The following EIPR1 variants were observed in gnomAD, a reference collection of about 807,000 sequenced individuals.
The protein encoded by EIPR1 is EARP and GARP complex-interacting protein 1.
A neutral mutation model predicts 48.1 loss-of-function variants in EIPR1; 25 were observed. The ratio of observed to expected loss-of-function variants is 0.52; its 90% CI spans 0.38 to 0.73. The LOEUF is 0.73. EIPR1 is among the 30% of genes least tolerant of loss of function. The pLI, the probability that EIPR1 is intolerant of heterozygous loss-of-function variation, is 0.00. For synonymous variants in EIPR1, 204 were observed against 201.9 expected (o/e 1.01, Z -0.09); for missense variants, 415 against 506.2 (o/e 0.82, Z 1.73).
rs771300509 is a variant in EIPR1, at chr2:3,377,659, G to A, written c.31C>T (p.Leu11=). 4 of 1,579,176 alleles carry A rather than the reference G, an allele frequency of 2.5e-6. No homozygotes were observed. The highest frequency in any genetic ancestry group is 3.4e-6 in the Non-Finnish European group (4 of 1,162,052). Residue 11 remains leucine, a synonymous_variant, in exon 1 of 9, where the codon CTG becomes TTG. Transcript: ENST00000382125. ...TCCCAGTGACCCACCTGGAACTCCA[G>A]CCCGTAGATCACTGGTGCATCGTCC... MEDDAPVIYG[L]EFQARALTPQ...
intron 4 of EIPR1, among the ~76,000 whole-genome samples, chr2:3,246,986 G>C: frequency 9.8e-3 from 1 of 102 alleles, no homozygotes; most frequent in Admixed American, 0.1. Context: ...GGGAGGGAGG[G>C]AGGGAGAGAG....
Position 3,276,032 on chromosome 2 carries a change from A to G in EIPR1, c.260-18577T>C, listed in dbSNP as rs926855189. 5.3e-5 allele frequency among the ~76,000 whole-genome samples: 8 copies of G among 152,348 alleles called. No individual in the cohort carries two copies. The East Asian group carries it at 1.5e-3, about 29-fold the overall frequency. On this transcript the variant is annotated intron_variant, in intron 3 of 8. Transcript: ENST00000382125. ...ATGTACCAATAACCTTAAGCAAATA[A>G]GTATTTTAAAAATTTACAAAACAGT...
intron 1 of EIPR1, among the ~76,000 whole-genome samples, chr2:3,372,898 G>A (rs1231876366): frequency 6.6e-6 from 1 of 152,088 alleles, no homozygotes; most frequent in Non-Finnish European, 1.5e-5. Context: ...GCATCATCCT[G>A]ATACCAAAGC....
chr2:3,234,322 A>C (rs548730776), intron 4 of EIPR1, among the ~76,000 whole-genome samples: 8 of 152,316 alleles, frequency 5.3e-5, no homozygotes, highest in African/African-American at 1.9e-4. Flanking sequence ...TTTTTGCTTT[A>C]AACATGTCTG....
At chr2:3,363,214 A>T (rs1670892788) in intron 1 of EIPR1, among the ~76,000 whole-genome samples, 1 of 152,182 alleles carries the variant, frequency 6.6e-6, no homozygotes, top group Admixed American at 6.5e-5. Flanking sequence ...ATCAAAAGAA[A>T]CGAGCACAGG....
chr2:3,334,868 G>GTC (rs1329745045), intron 3 of EIPR1, among the ~76,000 whole-genome samples: 36 of 152,370 alleles, frequency 2.4e-4, no homozygotes, highest in African/African-American at 7.5e-4. Context: ...CTGGCAGAAA[G>GTC]AGTCAGTCTC....
Position 3,280,332 on chromosome 2 carries a change from G to A in EIPR1, c.260-22877C>T, listed in dbSNP as rs375130851. On this transcript the variant is annotated intron_variant, in intron 3 of 8. Transcript: ENST00000382125. ...CTCCCTCACGCACACAGAGGAACTC[G>A]GACCCGGTCTCCCAACTCCTCGCCC... Among the ~76,000 whole-genome samples the A allele has an allele frequency of 1.9e-4, 29 of 152,294 alleles. No homozygotes were observed. In the Middle Eastern group the frequency reaches 0.01, roughly 54 times the overall value.
intron 4 of EIPR1, among the ~76,000 whole-genome samples, chr2:3,234,742 C>CA (rs1165028907): frequency 1.3e-5 from 2 of 152,282 alleles, no homozygotes; most frequent in Non-Finnish European, 2.9e-5. Flanking sequence ...GAAGCCTCTG[C>CA]AGTCTCTCTC....
At chr2:3,194,585 GT>G (rs1664740285) in intron 6 of EIPR1, among the ~76,000 whole-genome samples, 3 of 152,022 alleles carry the variant, frequency 2.0e-5, no homozygotes, top group Admixed American at 6.6e-5. Flanking sequence ...AAGACAGGGA[GT>G]TGAGGTAGAA....
chr2:3,355,426 C>A (rs1412760472), intron 1 of EIPR1, among the ~76,000 whole-genome samples: 1 of 152,214 alleles, frequency 6.6e-6, no homozygotes, highest in Non-Finnish European at 1.5e-5. Context: ...GGCTAGCCAG[C>A]CTCCTGCCAG....
chr2:3,311,972 C>T (rs1018244072), intron 3 of EIPR1, among the ~76,000 whole-genome samples: 10 of 152,286 alleles, frequency 6.6e-5, no homozygotes, highest in Admixed American at 3.3e-4. Flanking sequence ...TTTGGAACAG[C>T]GCACAGAACC....
intron 5 of EIPR1, among the ~76,000 whole-genome samples, chr2:3,201,607 G>A: frequency 6.6e-6 from 1 of 152,124 alleles, no homozygotes; most frequent in East Asian, 1.9e-4. Context: ...TAGTGTGCAG[G>A]GTGACACACA....
At chr2:3,320,634 A>G (rs1017356429) in intron 3 of EIPR1, 5 of 152,270 alleles carry the variant, frequency 3.3e-5, no homozygotes, top group African/African-American at 9.6e-5. Flanking sequence ...AACTGAAATA[A>G]TAACTTGTTC....
intron 3 of EIPR1, among the ~76,000 whole-genome samples, chr2:3,284,701 A>C (rs1489915617): frequency 6.6e-6 from 1 of 152,228 alleles, no homozygotes; most frequent in Non-Finnish European, 1.5e-5. Context: ...CAGTAACTCA[A>C]ATGGAGCCAG....
At chr2:3,247,604 G>A (rs1258933345) in intron 4 of EIPR1, among the ~76,000 whole-genome samples, 1 of 152,184 alleles carries the variant, frequency 6.6e-6, no homozygotes, top group East Asian at 1.9e-4. Context: ...AACATGAGCT[G>A]GGTAGGTGCA....
At chr2:3,244,551 G>A (rs947511673) in intron 4 of EIPR1, among the ~76,000 whole-genome samples, 1 of 152,202 alleles carries the variant, frequency 6.6e-6, no homozygotes, top group Non-Finnish European at 1.5e-5. Flanking sequence ...ATCAGATCAT[G>A]AGGGCAAAGC....
chr2:3,375,648 C>T (rs1387636910), intron 1 of EIPR1, among the ~76,000 whole-genome samples: 1 of 152,062 alleles, frequency 6.6e-6, no homozygotes, highest in African/African-American at 2.4e-5. Flanking sequence ...TAAGGGGACT[C>T]GAGGTCAGTT....
At chr2:3,202,148 A>G (rs68118285) in intron 5 of EIPR1, among the ~76,000 whole-genome samples, 4,240 of 152,288 alleles carry the variant, frequency 0.028, 64 homozygotes, top group Non-Finnish European at 0.041. Context: ...CATGTTAGCC[A>G]GGATGGTCTC....
At chr2:3,224,443 T>C (rs954343701) in intron 4 of EIPR1, among the ~76,000 whole-genome samples, 1 of 152,192 alleles carries the variant, frequency 6.6e-6, no homozygotes, top group African/African-American at 2.4e-5. Context: ...GATACACACC[T>C]GCCCATCCAA....
Sources: gnomAD v4.1 joint callset for allele counts (sites outside exome capture counted in the v4.1 genomes callset) on GRCh38, gnomAD v4.1.1 for gene constraint, MANE v1.5 for transcripts, NCBI Gene and HGNC (gene_info 2026-07-23, HGNC 2026-07-21) for gene names.